CALCOCO1: variants seen among roughly 807,000 people sequenced by gnomAD.
CALCOCO1 encodes calcium-binding and coiled-coil domain-containing protein 1.
A neutral mutation model predicts 86.3 loss-of-function variants in CALCOCO1; 44 were observed. That is an observed-to-expected ratio of 0.51 (90% CI 0.40 to 0.66). CALCOCO1 has a LOEUF of 0.66. Ranked by LOEUF, CALCOCO1 falls within the 30% of genes least tolerant of loss-of-function variation. The pLI is 0.00. For missense variants in CALCOCO1, 708 were observed against 851.1 expected, an observed-to-expected ratio of 0.83 and a Z score of 2.09; for synonymous variants, 297 against 327.6, an observed-to-expected ratio of 0.91 and a Z score of 1.01.
intron 7 of CALCOCO1, among the ~76,000 whole-genome samples, chr12:53,718,753 C>T (rs1314682601): frequency 3.3e-5 from 5 of 152,028 alleles, no homozygotes; most frequent in South Asian, 2.1e-4. Flanking sequence ...TGGTTTTGAA[C>T]CCCTGGGCTT....
chr12:53,713,320 CT>C, intron 13 of CALCOCO1, 114 bp from the exon 14 acceptor site: 1 of 824,886 alleles, frequency 1.2e-6, no homozygotes, highest in Non-Finnish European at 2.0e-6. Flanking sequence ...ACCTGAGGGG[CT>C]TAGGAAGAGT....
At chr12:53,726,580 A>C (rs1202306327) in intron 1 of CALCOCO1, among the ~76,000 whole-genome samples, 1 of 152,126 alleles carries the variant, frequency 6.6e-6, no homozygotes, top group African/African-American at 2.4e-5. Context: ...CCCAAACATC[A>C]CAAACCCACA....
At chr12:53,717,380 A>T (rs1482493155) in intron 7 of CALCOCO1, among the ~76,000 whole-genome samples, 1 of 152,210 alleles carries the variant, frequency 6.6e-6, no homozygotes, top group East Asian at 1.9e-4. Flanking sequence ...AGTACAGTAC[A>T]CGTCACCCCT....
At chr12:53,716,077 A>G (rs1270861023) in intron 8 of CALCOCO1, 30 bp from the exon 9 acceptor site, 1 of 1,608,036 alleles carries the variant, frequency 6.2e-7, no homozygotes, top group Non-Finnish European at 8.5e-7. Flanking sequence ...TGGAGATCAG[A>G]GTTCCTAGTG....
intron 10 of CALCOCO1, 98 bp from the exon 11 acceptor site, chr12:53,714,791 C>A (rs993052207): frequency 1.3e-6 from 1 of 781,862 alleles, no homozygotes; most frequent in Non-Finnish European, 2.2e-6. Context: ...CAGGTCTCCC[C>A]ATGCCTCTGC....
In CALCOCO1 at chr12:53,713,771, A is replaced by G. The variant is rs1353103505; in HGVS notation, c.1721T>C (p.Val574Ala). 2 of 1,607,322 alleles carry G rather than the reference A, an allele frequency of 1.2e-6. No homozygotes were observed. Among genetic ancestry groups the G allele is most frequent in the Admixed American group, 1.7e-5 (1 of 58,866 alleles). Residue 574 changes from valine to alanine, a missense_variant, in exon 13 of 15, where the codon GTT (valine) becomes GCT (alanine). By Grantham distance (64) the Val-to-Ala change is moderately conservative. Coordinates refer to ENST00000550804, the MANE Select transcript of CALCOCO1 (RefSeq NM_020898.3). ...PAGPREASPL[V>A]VISQPAPISP... ...AATGGGAGCCGGCTGGCTGATGACAACAAGGGGAGAAGCCTCTCGAGGCCC... is the reference window on the plus strand; with the variant it reads ...AATGGGAGCCGGCTGGCTGATGACAGCAAGGGGAGAAGCCTCTCGAGGCCC...
chr12:53,713,911 T>A lies in CALCOCO1; in HGVS notation c.1592-11A>T. On this transcript the variant is annotated splice_polypyrimidine_tract_variant and intron_variant, in intron 12 of 14. Transcript: ENST00000550804. ...GAGCTGCCGGGCAGCCTGTAGGAGA[T>A]GAAGCAGGCAGAGAAGAAAAAAGGA... The A allele has an allele frequency of 2.6e-6, 4 of 1,525,312 alleles. No homozygotes were observed. Among genetic ancestry groups the A allele is most frequent in the Non-Finnish European group, 3.5e-6 (4 of 1,136,594 alleles). 94.5% of individuals were successfully genotyped at this position (1,525,312 alleles called of 1,614,324 possible). A position where few individuals can be genotyped will look rare whatever the true frequency, so the allele number is the denominator to read the frequency against.
At position 53,725,234 on chromosome 12, in the gene CALCOCO1, T is replaced by C; in HGVS notation, c.9A>G (p.Glu3=). Residue 3 remains glutamate, a synonymous_variant, in exon 2 of 15, where the codon GAA becomes GAG. Transcript: ENST00000550804. ...GGGATGGTGCCCGGCTTAGTGGTGATTCTTCCATCCTGGCCTTGAGATATC... is the reference window on the plus strand; with the variant it reads ...GGGATGGTGCCCGGCTTAGTGGTGACTCTTCCATCCTGGCCTTGAGATATC... The part of the protein sequence containing the change: ME[E]SPLSRAPSRG... 1 of 1,597,876 alleles carries C rather than the reference T, an allele frequency of 6.3e-7. No homozygotes were observed. Among genetic ancestry groups the C allele is most frequent in the Non-Finnish European group, 8.5e-7 (1 of 1,172,600 alleles).
chr12:53,723,447 C>T, intron 4 of CALCOCO1, 146 bp downstream of exon 4: 1 of 771,742 alleles, frequency 1.3e-6, no homozygotes, highest in Non-Finnish European at 2.2e-6. Context: ...TAGACTGAGA[C>T]TCTCCTGGAG....
chr12:53,724,813 G>C (rs1333261762), intron 2 of CALCOCO1, 66 bp from the exon 3 acceptor site: 9 of 1,329,360 alleles, frequency 6.8e-6, no homozygotes, highest in Non-Finnish European at 8.4e-6. Flanking sequence ...GGAAGAAAGG[G>C]CTGAGGGGTT....
At chr12:53,720,687 AT>A (rs1945844671) in intron 6 of CALCOCO1, among the ~76,000 whole-genome samples, 1 of 152,272 alleles carries the variant, frequency 6.6e-6, no homozygotes, top group South Asian at 2.1e-4. Flanking sequence ...GTTTTTTAAA[AT>A]ATCACACCTA....
chr12:53,724,879 G>T, intron 2 of CALCOCO1, 132 bp from the exon 3 acceptor site: 5 of 837,494 alleles, frequency 6.0e-6, no homozygotes, highest in Admixed American at 2.7e-5. Flanking sequence ...GAAAGGGAAA[G>T]TGGAGGGACA....
At chr12:53,717,235 A>AT (rs1291132455) in intron 7 of CALCOCO1, among the ~76,000 whole-genome samples, 1 of 151,968 alleles carries the variant, frequency 6.6e-6, no homozygotes, top group Non-Finnish European at 1.5e-5. Context: ...TAATTTTTGT[A>AT]TTTTTTTGTA....
chr12:53,718,719 G>A (rs189842593), intron 7 of CALCOCO1, among the ~76,000 whole-genome samples: 1 of 152,154 alleles, frequency 6.6e-6, no homozygotes, highest in African/African-American at 2.4e-5. Flanking sequence ...TTGTAGAGAT[G>A]GGGTCTCACT....
At chr12:53,715,459 G>A (rs1307492366) in intron 9 of CALCOCO1, 134 bp from the exon 10 acceptor site, 4 of 1,229,752 alleles carry the variant, frequency 3.3e-6, no homozygotes, top group African/African-American at 1.5e-5. Flanking sequence ...TCCCCTTTTT[G>A]CCTTCATTTC....
chr12:53,723,013 G>A (rs374668990), intron 4 of CALCOCO1: 25 of 348,162 alleles, frequency 7.2e-5, no homozygotes, highest in African/African-American at 5.1e-4. Flanking sequence ...ACCCCAAACA[G>A]TATCATTTCA....
At position 53,709,046 on chromosome 12, in the gene CALCOCO1, G is replaced by C. The variant is rs76377732; in HGVS notation, c.*2898C>G. ...CCATTGAGGTTCGATAAGTGGGGGA[G>C]TGGTGTGTTTGGATTCGTTCTTTCA... On this transcript the variant is annotated 3_prime_UTR_variant, in exon 15 of 15. Coordinates refer to ENST00000550804, the MANE Select transcript of CALCOCO1 (RefSeq NM_020898.3). 6.6e-6 allele frequency: 1 copy of C among 152,242 alleles called. No individual in the cohort carries two copies. The highest frequency in any genetic ancestry group is 1.5e-5 in the Non-Finnish European group (1 of 68,048). The allele number at this position is 152,242 out of a possible 1,614,324, so 9.4% of individuals were successfully genotyped here.
At position 53,718,677 on chromosome 12, in the gene CALCOCO1, T is replaced by C. The variant is rs1945791462; in HGVS notation, c.849+1062A>G. ...CTGAGTAGCTGGGACTACAGGTGCATGCCACCATGCCTGGCTAATTTTTAA... is the reference window on the plus strand; with the variant it reads ...CTGAGTAGCTGGGACTACAGGTGCACGCCACCATGCCTGGCTAATTTTTAA... On this transcript the variant is annotated intron_variant, in intron 7 of 14. Transcript: ENST00000550804. Among the ~76,000 whole-genome samples, 3 of 152,144 alleles carry C rather than the reference T, an allele frequency of 2.0e-5. No homozygotes were observed. The South Asian group carries it at 6.2e-4, about 32-fold the overall frequency.
At chr12:53,719,042 T>C (rs1565646405) in intron 7 of CALCOCO1, among the ~76,000 whole-genome samples, 1 of 149,980 alleles carries the variant, frequency 6.7e-6, no homozygotes, top group Non-Finnish European at 1.5e-5. Flanking sequence ...GAGATGGGGT[T>C]TCACCATGTT....
Sources: allele counts gnomAD v4.1 joint callset (sites outside exome capture counted in the v4.1 genomes callset), GRCh38; gene constraint gnomAD v4.1.1; transcripts MANE v1.5; gene names NCBI Gene and HGNC (gene_info 2026-07-23, HGNC 2026-07-21).